Variants in GNA14 observed in about 807,000 individuals in gnomAD.
GNA14 encodes G protein subunit alpha 14, also known as guanine nucleotide-binding protein subunit alpha-14.
In GNA14, 50 loss-of-function variants were observed where a neutral mutation model predicts 42.0. The ratio of observed to expected loss-of-function variants is 1.19; its 90% confidence interval spans 0.95 to 1.51. The LOEUF (loss-of-function observed/expected upper bound fraction) is 1.51. GNA14 is among the 40% of genes most tolerant of loss of function. The pLI is 0.00. For missense variants in GNA14, 473 were observed against 446.2 expected (o/e 1.06, Z -0.54); for synonymous variants, 173 against 163.1 (o/e 1.06, Z -0.46).
chr9:77,535,055 A>G (rs921279264), intron 1 of GNA14, among the ~76,000 whole-genome samples: 1 of 152,212 alleles, frequency 6.6e-6, no homozygotes. Flanking sequence ...GGACTTAAGA[A>G]AATTCCTTTT....
At chr9:77,465,108 A>T (rs1836199072) in intron 2 of GNA14, among the ~76,000 whole-genome samples, 1 of 152,160 alleles carries the variant, frequency 6.6e-6, no homozygotes, top group Non-Finnish European at 1.5e-5. Context: ...ATGAAAGAAT[A>T]CATTTCTGTT....
At chr9:77,612,246 A>T (rs1294737856) in intron 1 of GNA14, among the ~76,000 whole-genome samples, 1 of 152,134 alleles carries the variant, frequency 6.6e-6, no homozygotes. Context: ...TGCCTCTGAC[A>T]AGAAAGAAAA....
intron 2 of GNA14, among the ~76,000 whole-genome samples, chr9:77,466,017 T>C (rs764649179): frequency 2.0e-5 from 3 of 152,228 alleles, no homozygotes; most frequent in African/African-American, 4.8e-5. Context: ...GTAGTTTATC[T>C]CTTGCCTCTT....
rs148460767 is a variant in GNA14 at position 77,549,214 on chromosome 9, G to A, written c.125-19961C>T. ...CTCCCAAAGTGCCGGGATTACAGGC[G>A]TGAGCCACCGTGCCCAGCCAAGAAA... On this transcript the variant is annotated intron_variant, in intron 1 of 6. Coordinates refer to ENST00000341700, the MANE Select transcript of GNA14 (RefSeq NM_004297.4). Among the ~76,000 whole-genome samples the A allele has an allele frequency of 4.0e-3, 616 of 152,274 alleles. 6 individuals are homozygous for A. Among genetic ancestry groups the A allele is most frequent in the African/African-American group, 0.014 (580 of 41,562 alleles).
intron 2 of GNA14, among the ~76,000 whole-genome samples, chr9:77,478,526 C>T (rs1487963715): frequency 1.3e-5 from 2 of 152,070 alleles, no homozygotes; most frequent in East Asian, 1.9e-4. Flanking sequence ...GATTTATAAT[C>T]CTTTGGGTAT....
At chr9:77,505,311 T>C (rs541346893) in intron 2 of GNA14, among the ~76,000 whole-genome samples, 21 of 152,362 alleles carry the variant, frequency 1.4e-4, no homozygotes, top group Admixed American at 2.0e-4. Context: ...GCAAAGGCTC[T>C]TTGAATAACG....
chr9:77,625,506 AG>A (rs1322223249), intron 1 of GNA14, among the ~76,000 whole-genome samples: 1 of 152,234 alleles, frequency 6.6e-6, no homozygotes, highest in African/African-American at 2.4e-5. Context: ...TTACCCACAA[AG>A]GGAAGCCCAT....
intron 2 of GNA14, among the ~76,000 whole-genome samples, chr9:77,486,669 T>C (rs1836665723): frequency 6.6e-6 from 1 of 152,178 alleles, no homozygotes; most frequent in African/African-American, 2.4e-5. Flanking sequence ...TGTAGGATTA[T>C]TAATTGGCCT....
intron 1 of GNA14, among the ~76,000 whole-genome samples, chr9:77,647,466 C>G (rs1824375168): frequency 6.6e-6 from 1 of 152,140 alleles, no homozygotes; most frequent in Non-Finnish European, 1.5e-5. Context: ...GAAGGTGTTG[C>G]TTTTGCAAGT....
At chr9:77,569,901 G>A (rs1315507092) in intron 1 of GNA14, among the ~76,000 whole-genome samples, 1 of 151,986 alleles carries the variant, frequency 6.6e-6, no homozygotes, top group East Asian at 1.9e-4. Flanking sequence ...CCAACAGCTG[G>A]GATTACAGGC....
chr9:77,553,147 T>C (rs1046612190), intron 1 of GNA14, among the ~76,000 whole-genome samples: 4 of 152,210 alleles, frequency 2.6e-5, no homozygotes, highest in Non-Finnish European at 5.9e-5. Flanking sequence ...TGATCATTCA[T>C]GGAAGGGTGA....
chr9:77,460,226 A>G (rs1333086544), intron 2 of GNA14, among the ~76,000 whole-genome samples: 1 of 152,224 alleles, frequency 6.6e-6, no homozygotes, highest in East Asian at 1.9e-4. Context: ...CCCAAATCCA[A>G]TGAGAGTGCC....
At chr9:77,584,734 A>G (rs1453722505) in intron 1 of GNA14, among the ~76,000 whole-genome samples, 1 of 152,194 alleles carries the variant, frequency 6.6e-6, no homozygotes, top group Non-Finnish European at 1.5e-5. Flanking sequence ...GAATGAAAGA[A>G]TGGCTACTCC....
At chr9:77,560,611 T>C (rs1397992009) in intron 1 of GNA14, among the ~76,000 whole-genome samples, 5 of 152,254 alleles carry the variant, frequency 3.3e-5, no homozygotes, top group East Asian at 3.9e-4. Context: ...ACACTGTGCC[T>C]AGCCTGCTCC....
intron 1 of GNA14, among the ~76,000 whole-genome samples, chr9:77,594,864 T>G (rs1047234521): frequency 6.6e-6 from 1 of 152,202 alleles, no homozygotes; most frequent in Non-Finnish European, 1.5e-5. Context: ...CCATGCTCAC[T>G]CTAAACACCT....
intron 1 of GNA14, among the ~76,000 whole-genome samples, chr9:77,560,751 A>G (rs1822868530): frequency 6.6e-6 from 1 of 152,200 alleles, no homozygotes; most frequent in Non-Finnish European, 1.5e-5. Flanking sequence ...GAGTAGCCAA[A>G]GCACAGAACT....
chr9:77,603,365 C>T (rs929953678), intron 1 of GNA14, among the ~76,000 whole-genome samples: 1 of 152,070 alleles, frequency 6.6e-6, no homozygotes, highest in African/African-American at 2.4e-5. Context: ...CAGGGTAAGC[C>T]TGGAACTTTG....
At chr9:77,564,958 T>C (rs1406145822) in intron 1 of GNA14, among the ~76,000 whole-genome samples, 1 of 152,212 alleles carries the variant, frequency 6.6e-6, no homozygotes, top group Non-Finnish European at 1.5e-5. Context: ...TTCACAGATA[T>C]ACTGGTGAAT....
At chr9:77,544,890 A>T (rs1837702230) in intron 1 of GNA14, among the ~76,000 whole-genome samples, 2 of 152,182 alleles carry the variant, frequency 1.3e-5, no homozygotes, top group Admixed American at 6.5e-5. Context: ...CAGGGCCGTG[A>T]TAAGACTTTG....
Sources: gnomAD v4.1 joint callset for allele counts (sites outside exome capture counted in the v4.1 genomes callset) on GRCh38, gnomAD v4.1.1 for gene constraint, MANE v1.5 for transcripts, NCBI Gene and HGNC (gene_info 2026-07-23, HGNC 2026-07-21) for gene names.